KCNK12: variants seen among roughly 807,000 people sequenced by gnomAD.
KCNK12 encodes the protein potassium channel subfamily K member 12.
A neutral mutation model predicts 25.3 loss-of-function variants in KCNK12; 6 were observed. That is an observed-to-expected ratio of 0.24 (90% CI 0.13 to 0.47). KCNK12 has a LOEUF of 0.47. Ranked by LOEUF, KCNK12 falls within the 20% of genes least tolerant of loss-of-function variation. The probability of loss-of-function intolerance (pLI) is 0.99; values close to 1 mark genes in which losing one functional copy is unlikely to be tolerated. For missense variants in KCNK12, 444 were observed against 661.7 expected, an observed-to-expected ratio of 0.67 and a Z score of 3.61; for synonymous variants, 331 against 311.1, an observed-to-expected ratio of 1.06 and a Z score of -0.67.
chr2:47,545,535 T>G (rs1329534405), intron 1 of KCNK12, among the ~76,000 whole-genome samples: 3 of 152,222 alleles, frequency 2.0e-5, no homozygotes, highest in Admixed American at 6.5e-5. Context: ...CAATTCCTCA[T>G]CATTTTCGCA....
intron 1 of KCNK12, among the ~76,000 whole-genome samples, chr2:47,552,768 C>CAAAAAAAAAGA (rs372319464): frequency 1.3e-5 from 2 of 149,244 alleles, no homozygotes; most frequent in African/African-American, 5.0e-5. Context: ...ACTCTGGCTC[C>CAAAAAAAAAGA]AAAAAAAAGA....
At position 47,540,195 on chromosome 2, in the gene KCNK12, C is replaced by T. The variant is rs1669166136; in HGVS notation, c.392-18387G>A. On this transcript the variant is annotated intron_variant, in intron 1 of 1. Coordinates refer to ENST00000327876, the MANE Select transcript of KCNK12 (RefSeq NM_022055.2). The surrounding 1 kb of genome is among the most constrained non-coding windows in gnomAD (Gnocchi z 5.4). ...TGGAGCAGGGAAGAGAAGGCCTCAC[C>T]GGGCAGACCTATCTTGGAGAAGATA... Among the ~76,000 whole-genome samples, 1 of 152,170 alleles carries T rather than the reference C, an allele frequency of 6.6e-6. No homozygotes were observed. The highest frequency in any genetic ancestry group is 2.1e-4 in the South Asian group (1 of 4,828).
rs1669174446 is a variant in KCNK12 at position 47,540,553 on chromosome 2, G to A, written c.392-18745C>T. Among the ~76,000 whole-genome samples, 1 of 152,242 alleles carries A rather than the reference G, an allele frequency of 6.6e-6. No homozygotes were observed. The highest frequency in any genetic ancestry group is 6.5e-5 in the Admixed American group (1 of 15,282). On this transcript the variant is annotated intron_variant, in intron 1 of 1. Coordinates refer to ENST00000327876, the MANE Select transcript of KCNK12 (RefSeq NM_022055.2). The surrounding 1 kb of genome is among the most constrained non-coding windows in gnomAD (Gnocchi z 5.4). The stretch of plus-strand genomic sequence containing the variant: ...CATCTTCTGCCTTTCTGAAGGGACA[G>A]TGGAAGCATCCATTTGAAGACTCTT...
rs1553378751 is a variant in KCNK12 at position 47,534,515 on chromosome 2, A to ACCG, written c.392-12708_392-12707insCGG. Among the ~76,000 whole-genome samples, 11 of 48,160 alleles carry ACCG rather than the reference A, an allele frequency of 2.3e-4. 1 individual carries two copies. The highest frequency in any genetic ancestry group is 3.3e-4 in the Non-Finnish European group (9 of 27,340). 31.6% of individuals were successfully genotyped at this position (48,160 alleles called of 152,430 possible). A position where few individuals can be genotyped will look rare whatever the true frequency, so the allele number is the denominator to read the frequency against. Reference sequence around the variant, plus strand: ...AGGGATGAGATCACTGCCCCTTCTAACCCCCCCCCCCGCCCCCACACACAG... The same window carrying ACCG: ...AGGGATGAGATCACTGCCCCTTCTAACCGCCCCCCCCCCCGCCCCCACACACAG... On this transcript the variant is annotated intron_variant, in intron 1 of 1. Coordinates refer to ENST00000327876, the MANE Select transcript of KCNK12 (RefSeq NM_022055.2).
chr2:47,542,889 C>G (rs1669230943), intron 1 of KCNK12, among the ~76,000 whole-genome samples: 2 of 152,208 alleles, frequency 1.3e-5, no homozygotes, highest in Non-Finnish European at 2.9e-5. Context: ...TGGGTCAATT[C>G]ACACATTGGC....
chr2:47,534,662 A>C (rs771033146), intron 1 of KCNK12, among the ~76,000 whole-genome samples: 1 of 151,972 alleles, frequency 6.6e-6, no homozygotes, highest in Non-Finnish European at 1.5e-5. Flanking sequence ...AATGAGATGA[A>C]GAAAGCTCTG....
Position 47,551,505 on chromosome 2 carries a change from T to C in KCNK12, c.391+18436A>G, listed in dbSNP as rs72812330. Among the ~76,000 whole-genome samples the C allele has an allele frequency of 0.01, 1,548 of 152,364 alleles. 13 individuals carry two copies. The highest frequency in any genetic ancestry group is 0.041 in the Middle Eastern group (12 of 294). On this transcript the variant is annotated intron_variant, in intron 1 of 1. Transcript: ENST00000327876. The surrounding 1 kb of genome is among the most constrained non-coding windows in gnomAD (Gnocchi z 5.3). ...GGGACTTTGTCTACTTGTTCACTGC[T>C]GTATCCCTGGGGATTTTCAGTTGCT...
Position 47,514,429 on chromosome 2 carries a change from G to A in KCNK12, c.*6478C>T, listed in dbSNP as rs556649533. ...CTTGTCTCTCCAGCCCCTAACACAGGGGATGCCTGACCCCAAACTAGACGA... is the reference window on the plus strand; with the variant it reads ...CTTGTCTCTCCAGCCCCTAACACAGAGGATGCCTGACCCCAAACTAGACGA... On this transcript the variant is annotated 3_prime_UTR_variant, in exon 2 of 2. Transcript: ENST00000327876. The surrounding 1 kb of genome is among the most constrained non-coding windows in gnomAD (Gnocchi z 5.0). Among the ~76,000 whole-genome samples the A allele has an allele frequency of 6.6e-6, 1 of 152,292 alleles. No homozygotes were observed. Among genetic ancestry groups the A allele is most frequent in the East Asian group, 1.9e-4 (1 of 5,176 alleles).
At position 47,530,587 on chromosome 2, in the gene KCNK12, C is replaced by T. The variant is rs549580785; in HGVS notation, c.392-8779G>A. Among the ~76,000 whole-genome samples, 8 of 152,260 alleles carry T rather than the reference C, an allele frequency of 5.3e-5. No homozygotes were observed. The East Asian group carries it at 5.8e-4, about 11-fold the overall frequency. The stretch of plus-strand genomic sequence containing the variant: ...CACGCACCGTGCCAAGTGCTGCACG[C>T]GTATCAATTCATTTAATCCTCACAA... On this transcript the variant is annotated intron_variant, in intron 1 of 1. Transcript: ENST00000327876.
At chr2:47,539,851 C>G (rs1199771389) in intron 1 of KCNK12, among the ~76,000 whole-genome samples, 1 of 152,234 alleles carries the variant, frequency 6.6e-6, no homozygotes, top group Non-Finnish European at 1.5e-5. Context: ...CCATCCACAG[C>G]TGAAGTGCTC....
rs1021806769 is a variant in KCNK12, at chr2:47,513,962, C to T, written c.*6945G>A. Among the ~76,000 whole-genome samples the T allele has an allele frequency of 3.3e-5, 5 of 152,300 alleles. No homozygotes were observed. Among genetic ancestry groups the T allele is most frequent in the Admixed American group, 6.5e-5 (1 of 15,304 alleles). On this transcript the variant is annotated 3_prime_UTR_variant, in exon 2 of 2. Coordinates refer to ENST00000327876, the MANE Select transcript of KCNK12 (RefSeq NM_022055.2). ...ATTCTGAGTCATTTTCGGCAGCACACGCATCCTTAAAACCCCTCCACTGGC... is the reference window on the plus strand; with the variant it reads ...ATTCTGAGTCATTTTCGGCAGCACATGCATCCTTAAAACCCCTCCACTGGC...
intron 1 of KCNK12, among the ~76,000 whole-genome samples, chr2:47,542,813 G>A (rs1395959066): frequency 6.6e-6 from 1 of 152,220 alleles, no homozygotes; most frequent in East Asian, 1.9e-4. Context: ...AAAGACATGG[G>A]AAACTGACAG....
intron 1 of KCNK12, chr2:47,567,287 T>C (rs4953503): frequency 0.33 from 49,648 of 152,100 alleles, 8,277 homozygotes; most frequent in South Asian, 0.35. Context: ...TTCCTCTTCA[T>C]TGGATAAAGA....
At chr2:47,559,390 T>C (rs1572609192) in intron 1 of KCNK12, among the ~76,000 whole-genome samples, 1 of 152,216 alleles carries the variant, frequency 6.6e-6, no homozygotes, top group Non-Finnish European at 1.5e-5. Context: ...GGGCCCAGCT[T>C]GCTCAGTTTT....
chr2:47,539,030 T>C (rs1269232905), intron 1 of KCNK12, among the ~76,000 whole-genome samples: 1 of 152,264 alleles, frequency 6.6e-6, no homozygotes, highest in Non-Finnish European at 1.5e-5. Context: ...GGAAATTCGA[T>C]GAAACGAACA....
Position 47,511,119 on chromosome 2 carries a change from A to G in KCNK12, c.*9788T>C, listed in dbSNP as rs1266968596. Among the ~76,000 whole-genome samples, 1 of 152,246 alleles carries G rather than the reference A, an allele frequency of 6.6e-6. No homozygotes were observed. The highest frequency in any genetic ancestry group is 6.5e-5 in the Admixed American group (1 of 15,290). Reference sequence around the variant, plus strand: ...TATGTTTGTTGAGTGAATGAATACAATACCAAACGAATGGACAGGACAGAG... The same window carrying G: ...TATGTTTGTTGAGTGAATGAATACAGTACCAAACGAATGGACAGGACAGAG... On this transcript the variant is annotated 3_prime_UTR_variant, in exon 2 of 2. Coordinates refer to ENST00000327876, the MANE Select transcript of KCNK12 (RefSeq NM_022055.2). The surrounding 1 kb of genome is among the most constrained non-coding windows in gnomAD (Gnocchi z 4.3).
In KCNK12 at chr2:47,521,243, C is replaced by T. The variant is rs761937723; in HGVS notation, c.957G>A (p.Ala319=). The T allele has an allele frequency of 4.4e-5, 71 of 1,606,130 alleles. No homozygotes were observed. In the Middle Eastern group the frequency reaches 4.9e-4, roughly 11 times the overall value. ...GCGCGCCAGGAGCCGGGCAGCAGCG[C>T]GCGCAGCAGCGGCAGCTCAGCTTGC... is the stretch of plus-strand genomic sequence containing the variant. ...MLRKLSCRCC[A]RCCPAPGAPL... Residue 319 remains alanine (A), a synonymous_variant, in exon 2 of 2, where the codon GCG becomes GCA. Transcript: ENST00000327876.
intron 1 of KCNK12, among the ~76,000 whole-genome samples, chr2:47,542,233 A>G (rs1441855008): frequency 6.6e-6 from 1 of 151,934 alleles, no homozygotes; most frequent in Non-Finnish European, 1.5e-5. Flanking sequence ...CTCACTCCAC[A>G]CCAGGCTTGG....
rs1470609505 is a variant in KCNK12 at position 47,533,334 on chromosome 2, CTG to C, written c.392-11528_392-11527del. Among the ~76,000 whole-genome samples the C allele has an allele frequency of 6.6e-6, 1 of 152,170 alleles. No individual in the cohort carries two copies. The highest frequency in any genetic ancestry group is 2.4e-5 in the African/African-American group (1 of 41,460). On this transcript the variant is annotated intron_variant, in intron 1 of 1. Transcript: ENST00000327876. This position sits in a 1 kb window ranked among gnomAD's most constrained non-coding sequence, Gnocchi z 4.7. Reference sequence around the variant, plus strand: ...CCCACTGCCCTACCTCTGAATGTCACTGTGAAGATTAAATGAGGATGTAGTTC... The same window carrying C: ...CCCACTGCCCTACCTCTGAATGTCACTGAAGATTAAATGAGGATGTAGTTC...
Sources: allele counts gnomAD v4.1 joint callset (sites outside exome capture counted in the v4.1 genomes callset), GRCh38; gene constraint gnomAD v4.1.1; non-coding constraint Gnocchi (gnomAD v3.1); transcripts MANE v1.5; gene names NCBI Gene and HGNC (gene_info 2026-07-23, HGNC 2026-07-21).